TTC1: variants seen among roughly 807,000 people sequenced by gnomAD.
The protein encoded by TTC1 is tetratricopeptide repeat protein 1.
In TTC1, 31 loss-of-function variants were observed where a neutral mutation model predicts 37.6. That is an observed-to-expected ratio of 0.82 (90% confidence interval 0.62 to 1.11). The LOEUF is 1.11. Ranked by LOEUF, TTC1 falls within the 50% of genes most tolerant of loss-of-function variation. The pLI, the probability that TTC1 is intolerant of heterozygous loss-of-function variation, is 0.00. For synonymous variants in TTC1, 127 were observed against 122.4 expected (o/e 1.04, Z -0.25); for missense variants, 351 against 339.0 (o/e 1.04, Z -0.28).
At position 160,010,483 on chromosome 5, in the gene TTC1, G is replaced by A; in HGVS notation, c.-29-17G>A. ...ACAAGCACCATTATATAGCAGTTTT[G>A]TTTTGTTTTCCCCCAGCTTTAGCGT... is the stretch of plus-strand genomic sequence containing the variant. On this transcript the variant is annotated splice_polypyrimidine_tract_variant and intron_variant, in intron 1 of 7. Transcript: ENST00000231238. The A allele has an allele frequency of 6.5e-7, 1 of 1,549,662 alleles. No homozygotes were observed. The highest frequency in any genetic ancestry group is 8.8e-7 in the Non-Finnish European group (1 of 1,137,256).
At chr5:160,058,308 C>A in intron 7 of TTC1, among the ~76,000 whole-genome samples, 1 of 152,210 alleles carries the variant, frequency 6.6e-6, no homozygotes, top group Non-Finnish European at 1.5e-5. Context: ...GTCTTCACCC[C>A]CTCAAAGTCA....
At chr5:160,050,404 G>A (rs1288573906) in intron 6 of TTC1, among the ~76,000 whole-genome samples, 3 of 152,038 alleles carry the variant, frequency 2.0e-5, no homozygotes, top group Admixed American at 6.6e-5. Flanking sequence ...CTGAGATTGC[G>A]CCACTGCACT....
chr5:160,055,484 T>A (rs1241479216), intron 7 of TTC1, among the ~76,000 whole-genome samples: 1 of 152,176 alleles, frequency 6.6e-6, no homozygotes, highest in African/African-American at 2.4e-5. Context: ...TAATCACCAG[T>A]TGCAAAGCAA....
intron 5 of TTC1, among the ~76,000 whole-genome samples, chr5:160,048,348 C>T (rs1306456919): frequency 2.0e-5 from 3 of 151,918 alleles, no homozygotes; most frequent in Non-Finnish European, 4.4e-5. Context: ...GATGGGGTTT[C>T]GCCATGTTGG....
At chr5:160,026,847 G>A (rs1756814696) in intron 2 of TTC1, among the ~76,000 whole-genome samples, 1 of 151,882 alleles carries the variant, frequency 6.6e-6, no homozygotes. Context: ...AGTCTCATGT[G>A]TTCTTTATTC....
At chr5:160,032,690 T>C (rs1653344257) in intron 2 of TTC1, among the ~76,000 whole-genome samples, 1 of 149,972 alleles carries the variant, frequency 6.7e-6, no homozygotes, top group Non-Finnish European at 1.5e-5. Context: ...CTCCTTGAGT[T>C]CTACCTGCTT....
At chr5:160,012,074 A>G (rs1458947433) in intron 2 of TTC1, among the ~76,000 whole-genome samples, 1 of 152,242 alleles carries the variant, frequency 6.6e-6, no homozygotes, top group Non-Finnish European at 1.5e-5. Context: ...ATAAACTACC[A>G]CAGCAAATAC....
intron 2 of TTC1, among the ~76,000 whole-genome samples, chr5:160,024,539 C>T (rs1424475816): frequency 6.6e-6 from 1 of 152,124 alleles, no homozygotes; most frequent in African/African-American, 2.4e-5. Flanking sequence ...CAGAGTAGCC[C>T]AAGCTGGAGC....
intron 4 of TTC1, among the ~76,000 whole-genome samples, chr5:160,039,899 G>C (rs1326645387): frequency 1.3e-5 from 2 of 152,018 alleles, no homozygotes; most frequent in Non-Finnish European, 2.9e-5. Context: ...TTTTTGTTTT[G>C]TTTATTGTGG....
chr5:160,041,247 T>G (rs574835496), intron 4 of TTC1, among the ~76,000 whole-genome samples: 15 of 152,170 alleles, frequency 9.9e-5, no homozygotes, highest in African/African-American at 3.6e-4. Flanking sequence ...AAGTAGTGTA[T>G]AGTAAATACA....
At chr5:160,036,643 A>G (rs763040820) in intron 3 of TTC1, 48 bp from the exon 4 acceptor site, 1 of 1,280,356 alleles carries the variant, frequency 7.8e-7, no homozygotes, top group South Asian at 1.2e-5. Context: ...ATATAGTAGT[A>G]TCAGGAATAA....
Position 160,051,149 on chromosome 5 carries a change from A to G in TTC1, c.711A>G (p.Glu237=). Residue 237 remains glutamate, a synonymous_variant, in exon 7 of 8, where the codon GAA becomes GAG. Coordinates refer to ENST00000231238, the MANE Select transcript of TTC1 (RefSeq NM_003314.3). ...CTCAGAGATTACCTAAGCAAATTGA[A>G]GAACGTAATGAAAGACTAAAAGAAG... ...EACMRLPKQI[E]ERNERLKEEM... is the part of the protein sequence containing the mutation. The G allele has an allele frequency of 6.2e-7, 1 of 1,610,164 alleles. No homozygotes were observed.
chr5:160,064,811 T>A, intron 7 of TTC1, 121 bp from the exon 8 acceptor site: 1 of 1,110,462 alleles, frequency 9.0e-7, no homozygotes, highest in Non-Finnish European at 1.3e-6. Flanking sequence ...AAAGTAGGCA[T>A]TTCTTTAACT....
intron 5 of TTC1, among the ~76,000 whole-genome samples, chr5:160,045,850 C>T (rs1222021061): frequency 2.0e-5 from 3 of 152,146 alleles, no homozygotes; most frequent in Non-Finnish European, 4.4e-5. Context: ...TCAAGCGACT[C>T]TTCTGCCTCA....
At chr5:160,062,870 G>A (rs771359159) in intron 7 of TTC1, among the ~76,000 whole-genome samples, 2 of 152,032 alleles carry the variant, frequency 1.3e-5, no homozygotes, top group African/African-American at 2.4e-5. Flanking sequence ...AGCGTTCCTG[G>A]TTGGTGTTGC....
chr5:160,011,154 T>C (rs559023407), intron 2 of TTC1, among the ~76,000 whole-genome samples: 9 of 152,366 alleles, frequency 5.9e-5, no homozygotes, highest in African/African-American at 2.2e-4. Flanking sequence ...AATGTATATA[T>C]ACTTTTTAGT....
chr5:160,036,628 G>A, intron 3 of TTC1, 63 bp from the exon 4 acceptor site: 3 of 1,136,394 alleles, frequency 2.6e-6, no homozygotes, highest in South Asian at 1.2e-5. Flanking sequence ...CTGAGATCCT[G>A]TGGAATATAG....
chr5:160,010,367 A>T, intron 1 of TTC1, 133 bp from the exon 2 acceptor site: 1 of 552,810 alleles, frequency 1.8e-6, no homozygotes, highest in Non-Finnish European at 3.2e-6. Context: ...CTGTATTTTT[A>T]AATAATGAAT....
chr5:160,025,670 A>G (rs1756788673), intron 2 of TTC1, among the ~76,000 whole-genome samples: 1 of 152,238 alleles, frequency 6.6e-6, no homozygotes, highest in Non-Finnish European at 1.5e-5. Flanking sequence ...ACTCAGTTCT[A>G]CTTCCTGCAA....
Sources: allele counts gnomAD v4.1 joint callset (sites outside exome capture counted in the v4.1 genomes callset), GRCh38; gene constraint gnomAD v4.1.1; transcripts MANE v1.5; gene names NCBI Gene and HGNC (gene_info 2026-07-23, HGNC 2026-07-21).